The following TRAPPC12 variants were observed in gnomAD, a reference collection of about 807,000 sequenced individuals.
TRAPPC12 encodes TPR repeat protein 15.
Under a neutral mutation model 69.2 loss-of-function variants are expected in TRAPPC12, and 61 were observed. That is an observed-to-expected ratio of 0.88 (90% confidence interval 0.72 to 1.09). The LOEUF (loss-of-function observed/expected upper bound fraction) is 1.09, where lower values mean the gene tolerates loss of function less well. Among genes scored for constraint, TRAPPC12 ranks in the 50% least tolerant of loss-of-function variants. The pLI, the probability that TRAPPC12 is intolerant of heterozygous loss-of-function variation, is 0.00. For missense variants in TRAPPC12, 1,101 were observed against 1,016.4 expected (o/e 1.08, Z -1.13); for synonymous variants, 469 against 438.9 (o/e 1.07, Z -0.86).
At chr2:3,444,274 C>T (rs1192545867) in intron 6 of TRAPPC12, among the ~76,000 whole-genome samples, 2 of 152,266 alleles carry the variant, frequency 1.3e-5, no homozygotes, top group Admixed American at 6.5e-5. Context: ...CGGAGCAGTA[C>T]TGAAAGCAAT....
intron 9 of TRAPPC12, among the ~76,000 whole-genome samples, chr2:3,469,547 C>T (rs890672396): frequency 3.3e-5 from 5 of 152,176 alleles, no homozygotes; most frequent in Admixed American, 3.3e-4. Context: ...AGCCACAAAG[C>T]CAGGATGCCG....
In TRAPPC12 at chr2:3,465,579, G is replaced by A. The variant is rs758644886; in HGVS notation, c.1678-18G>A. 6.3e-7 allele frequency: 1 copy of A among 1,578,430 alleles called. No individual in the cohort carries two copies. The highest frequency in any genetic ancestry group is 1.7e-4 in the Middle Eastern group (1 of 5,996). On this transcript the variant is annotated intron_variant, in intron 8 of 11. Coordinates refer to ENST00000324266, the MANE Select transcript of TRAPPC12 (RefSeq NM_016030.6). ...GCTGTTCTCAGCTCTAAAGTACGTT[G>A]GGTTTTTCTTCCCACAGGATTATGT...
rs533057257 is a variant in TRAPPC12 at position 3,405,017 on chromosome 2, C to T, written c.1164+3124C>T. Among the ~76,000 whole-genome samples the T allele has an allele frequency of 2.6e-4, 40 of 152,174 alleles. No homozygotes were observed. The South Asian group carries it at 8.3e-3, about 32-fold the overall frequency. Reference sequence around the variant, plus strand: ...TGAAAGGAATGAAAATCGAATCCAGCACATTTTCAAACTGTGATTCTGAGA... The same window carrying T: ...TGAAAGGAATGAAAATCGAATCCAGTACATTTTCAAACTGTGATTCTGAGA... On this transcript the variant is annotated intron_variant, in intron 3 of 11. Coordinates refer to ENST00000324266, the MANE Select transcript of TRAPPC12 (RefSeq NM_016030.6).
intron 8 of TRAPPC12, among the ~76,000 whole-genome samples, chr2:3,461,667 A>G (rs1164440030): frequency 4.6e-5 from 7 of 152,334 alleles, no homozygotes; most frequent in South Asian, 2.1e-4. Context: ...CACTCCTGAG[A>G]TAGTCCCACT....
intron 2 of TRAPPC12, among the ~76,000 whole-genome samples, chr2:3,400,753 G>A (rs568015797): frequency 2.0e-5 from 3 of 152,266 alleles, no homozygotes; most frequent in African/African-American, 7.2e-5. Flanking sequence ...TGACTAGTTT[G>A]TCCCCATACA....
At chr2:3,457,467 A>G (rs1359532950) in intron 6 of TRAPPC12, among the ~76,000 whole-genome samples, 154 bp from the exon 7 acceptor site, 2 of 152,226 alleles carry the variant, frequency 1.3e-5, no homozygotes, top group Admixed American at 1.3e-4. Context: ...ATAAAATATC[A>G]AATGTTTTAA....
intron 5 of TRAPPC12, among the ~76,000 whole-genome samples, chr2:3,442,664 C>T (rs565040584): frequency 3.2e-4 from 49 of 152,246 alleles, no homozygotes; most frequent in African/African-American, 1.2e-3. Flanking sequence ...CATAGTGTTC[C>T]TTAATTTTGA....
intron 1 of TRAPPC12, among the ~76,000 whole-genome samples, chr2:3,386,557 G>A (rs1458214323): frequency 1.3e-5 from 2 of 152,218 alleles, no homozygotes; most frequent in Non-Finnish European, 1.5e-5. Context: ...CAGGGGCATA[G>A]TATGTGCGGA....
chr2:3,403,849 G>A (rs1259119594), intron 3 of TRAPPC12, among the ~76,000 whole-genome samples: 1 of 152,228 alleles, frequency 6.6e-6, no homozygotes, highest in Non-Finnish European at 1.5e-5. Flanking sequence ...GTATTTGAAA[G>A]TGAGGTATAG....
At chr2:3,396,466 G>A (rs1266232708) in intron 2 of TRAPPC12, among the ~76,000 whole-genome samples, 2 of 152,096 alleles carry the variant, frequency 1.3e-5, no homozygotes, top group Non-Finnish European at 2.9e-5. Context: ...TTCATTGGCT[G>A]TTTTGGATCT....
intron 9 of TRAPPC12, among the ~76,000 whole-genome samples, chr2:3,476,929 T>G (rs372365670): frequency 1.3e-3 from 202 of 152,374 alleles, no homozygotes; most frequent in African/African-American, 4.7e-3. Flanking sequence ...GTCTTTACCC[T>G]CGTGAGCGCG....
At chr2:3,443,435 A>C (rs1357836533) in intron 5 of TRAPPC12, among the ~76,000 whole-genome samples, 1 of 152,228 alleles carries the variant, frequency 6.6e-6, no homozygotes, top group Non-Finnish European at 1.5e-5. Context: ...GAAATATTAA[A>C]GAATATCTGA....
At chr2:3,410,630 A>G (rs1662005716) in intron 3 of TRAPPC12, among the ~76,000 whole-genome samples, 1 of 152,240 alleles carries the variant, frequency 6.6e-6, no homozygotes, top group South Asian at 2.1e-4. Flanking sequence ...ACTGTAAAAT[A>G]TGTCTTACTT....
In TRAPPC12 at chr2:3,479,511, C is replaced by T; in HGVS notation, c.*50C>T. The T allele has an allele frequency of 6.3e-7, 1 of 1,597,586 alleles. No individual in the cohort carries two copies. The highest frequency in any genetic ancestry group is 8.5e-7 in the Non-Finnish European group (1 of 1,171,536). On this transcript the variant is annotated 3_prime_UTR_variant, in exon 12 of 12. Transcript: ENST00000324266. Reference sequence around the variant, plus strand: ...AGGACCCGGGTCTTTGAAACTGTGTCTTGAAGCTAATGTATTAATGTGACA... The same window carrying T: ...AGGACCCGGGTCTTTGAAACTGTGTTTTGAAGCTAATGTATTAATGTGACA...
chr2:3,427,667 G>C (rs1401452814), intron 5 of TRAPPC12, among the ~76,000 whole-genome samples: 1 of 152,086 alleles, frequency 6.6e-6, no homozygotes, highest in African/African-American at 2.4e-5. Context: ...AAGATCTCAA[G>C]ATCTCTTGAG....
At chr2:3,462,189 C>T (rs764612805) in intron 8 of TRAPPC12, among the ~76,000 whole-genome samples, 7 of 152,166 alleles carry the variant, frequency 4.6e-5, no homozygotes, top group South Asian at 2.1e-4. Context: ...TAGAAAACGA[C>T]GGAATGGGCT....
chr2:3,443,673 T>A (rs1465537306), intron 5 of TRAPPC12, 106 bp from the exon 6 acceptor site: 1 of 798,092 alleles, frequency 1.3e-6, no homozygotes, highest in Non-Finnish European at 2.2e-6. Flanking sequence ...AAGGGATCTG[T>A]CATCACTTCT....
At chr2:3,461,633 C>T (rs1449063630) in intron 8 of TRAPPC12, among the ~76,000 whole-genome samples, 1 of 152,234 alleles carries the variant, frequency 6.6e-6, no homozygotes, top group Admixed American at 6.5e-5. Flanking sequence ...TGGTTTTGCT[C>T]AGAGCAGGTT....
chr2:3,453,366 C>A (rs1050927956), intron 6 of TRAPPC12, among the ~76,000 whole-genome samples: 1 of 152,192 alleles, frequency 6.6e-6, no homozygotes, highest in Non-Finnish European at 1.5e-5. Context: ...AAGGTGCCTC[C>A]AACACCCGGC....
Sources: allele counts gnomAD v4.1 joint callset (sites outside exome capture counted in the v4.1 genomes callset), GRCh38; gene constraint gnomAD v4.1.1; transcripts MANE v1.5; gene names NCBI Gene and HGNC (gene_info 2026-07-23, HGNC 2026-07-21).